Variants in ZFP64 observed in about 807,000 individuals in gnomAD.
The protein encoded by ZFP64 is ZFP64 zinc finger protein, also known as zinc finger protein 64.
Under a neutral mutation model 51.6 loss-of-function variants are expected in ZFP64, and 14 were observed. That is an observed-to-expected ratio of 0.27 (90% CI 0.18 to 0.42). The LOEUF is 0.42. Ranked by LOEUF, ZFP64 falls within the 10% of genes least tolerant of loss-of-function variation. ZFP64 has a pLI of 1.00. For synonymous variants in ZFP64, 375 were observed against 361.4 expected (o/e 1.04, Z -0.43); for missense variants, 754 against 906.8 (o/e 0.83, Z 2.16).
At chr20:52,086,074 CCTCTT>C (rs1315697125) in intron 8 of ZFP64, among the ~76,000 whole-genome samples, 1 of 152,232 alleles carries the variant, frequency 6.6e-6, no homozygotes, top group African/African-American at 2.4e-5. Context: ...AGGATTCACT[CCTCTT>C]CTCCACACTT....
chr20:52,151,225 C>G (rs996477781), downstream of ZFP64: 5 of 985,132 alleles, frequency 5.1e-6, no homozygotes, highest in African/African-American at 7.0e-5. Flanking sequence ...TAATGACTCA[C>G]GCCCCATCAT....
chr20:52,106,013 C>A (rs1467299711), intron 5 of ZFP64, among the ~76,000 whole-genome samples: 1 of 152,206 alleles, frequency 6.6e-6, no homozygotes, highest in African/African-American at 2.4e-5. Context: ...GGGAGAAATG[C>A]AGATTCCGAA....
chr20:52,138,761 C>T (rs1179488345), intron 5 of ZFP64, among the ~76,000 whole-genome samples: 2 of 151,834 alleles, frequency 1.3e-5, no homozygotes, highest in African/African-American at 4.8e-5. Context: ...TAGATACAAA[C>T]TAAGAAAGGA....
At chr20:52,178,059 A>G (rs1983364265) in intron 2 of ZFP64, among the ~76,000 whole-genome samples, 1 of 151,790 alleles carries the variant, frequency 6.6e-6, no homozygotes, top group Admixed American at 6.6e-5. Context: ...AAGAAAGAAA[A>G]AAGAAAAAAA....
At chr20:52,141,689 G>A (rs1351714118) in intron 5 of ZFP64, among the ~76,000 whole-genome samples, 2 of 152,102 alleles carry the variant, frequency 1.3e-5, no homozygotes, top group Non-Finnish European at 2.9e-5. Context: ...AGATAGAATC[G>A]ACTCCTGGTA....
intron 5 of ZFP64, among the ~76,000 whole-genome samples, chr20:52,102,036 T>TGTGGGGCAGAGGTTGCA (rs1333483232): frequency 7.0e-6 from 1 of 143,290 alleles, no homozygotes; most frequent in Non-Finnish European, 1.5e-5. Flanking sequence ...CGCTTGAACC[T>TGTGGGGCAGAGGTTGCA]GTGGGGCAGA....
intron 2 of ZFP64, 91 bp from the exon 3 acceptor site, chr20:52,166,116 A>G: frequency 7.4e-7 from 1 of 1,354,900 alleles, no homozygotes; most frequent in Non-Finnish European, 9.9e-7. Flanking sequence ...GAATGCATGT[A>G]CTAGTTTGCT....
chr20:52,167,240 G>T (rs1458123456), intron 2 of ZFP64, among the ~76,000 whole-genome samples: 1 of 152,026 alleles, frequency 6.6e-6, no homozygotes, highest in Non-Finnish European at 1.5e-5. Context: ...CAAGAGAATT[G>T]CTTGAACCTG....
At chr20:52,116,141 CTT>C (rs111516602) in intron 5 of ZFP64, among the ~76,000 whole-genome samples, 1 of 143,466 alleles carries the variant, frequency 7.0e-6, no homozygotes, top group Non-Finnish European at 1.5e-5. Flanking sequence ...GTCAATATTT[CTT>C]TTTTTTTTTT....
In ZFP64 at chr20:52,151,340, C is replaced by T. The variant is rs1980781443; in HGVS notation, c.*806G>A. ...TCATTTTCTGCTCATTAGCACTAAACATTTTTTTTTGGGTCAAGTATCCAT... is the reference window on the plus strand; with the variant it reads ...TCATTTTCTGCTCATTAGCACTAAATATTTTTTTTTGGGTCAAGTATCCAT... On this transcript the variant is annotated 3_prime_UTR_variant, in exon 6 of 6. Transcript: ENST00000216923. The T allele has an allele frequency of 7.1e-6, 7 of 985,230 alleles. No homozygotes were observed. Among genetic ancestry groups the T allele is most frequent in the Non-Finnish European group, 8.4e-6 (7 of 829,852 alleles). 61.0% of individuals were successfully genotyped at this position (985,230 alleles called of 1,614,324 possible).
chr20:52,091,516 T>G (rs1043765788), intron 7 of ZFP64, among the ~76,000 whole-genome samples: 1 of 152,140 alleles, frequency 6.6e-6, no homozygotes, highest in Admixed American at 6.5e-5. Context: ...CCATTAAAAA[T>G]TTCATATGGA....
rs761318542 is a variant in ZFP64, at chr20:52,152,656, G to A, written c.1536C>T (p.Val512=). ...TGTTCACTGCAGCGGCGGCAGCCTGGACGATGGTGTTCGCCTGGGGCACCT... is the reference window on the plus strand; with the variant it reads ...TGTTCACTGCAGCGGCGGCAGCCTGAACGATGGTGTTCGCCTGGGGCACCT... ...GHQVPQANTI[V]QAAAAAVNIV... The change falls in exon 6 of 6, where the codon GTC becomes GTT. Residue 512 remains valine (V), a synonymous_variant. Transcript: ENST00000216923. The A allele has an allele frequency of 7.8e-6, 12 of 1,536,888 alleles. No individual in the cohort carries two copies. The Admixed American group carries it at 1.6e-4, about 20-fold the overall frequency.
intron 5 of ZFP64, among the ~76,000 whole-genome samples, chr20:52,145,282 C>T (rs944161932): frequency 6.6e-6 from 1 of 152,162 alleles, no homozygotes; most frequent in Admixed American, 6.5e-5. Context: ...CCATACAGCA[C>T]GTGAATGTGC....
At chr20:52,165,401 T>A (rs1352345612) in intron 3 of ZFP64, 3 of 453,574 alleles carry the variant, frequency 6.6e-6, no homozygotes, top group African/African-American at 6.0e-5. Context: ...GTATATATAT[T>A]TGTATATATA....
intron 5 of ZFP64, among the ~76,000 whole-genome samples, chr20:52,111,526 T>A (rs1225601448): frequency 1.3e-5 from 2 of 152,078 alleles, no homozygotes; most frequent in Admixed American, 6.6e-5. Context: ...CCGATTTTTT[T>A]TTTTAATAGT....
intron 2 of ZFP64, among the ~76,000 whole-genome samples, chr20:52,177,615 G>A (rs1983324270): frequency 6.6e-6 from 1 of 152,192 alleles, no homozygotes; most frequent in South Asian, 2.1e-4. Context: ...GCCCACCACC[G>A]AGAACAGGAG....
At chr20:52,146,628 T>C (rs993671338), downstream of ZFP64, among the ~76,000 whole-genome samples, 1 of 151,634 alleles carries the variant, frequency 6.6e-6, no homozygotes, top group African/African-American at 2.4e-5. Context: ...TACCTAATGC[T>C]AAATGACGAG....
intron 7 of ZFP64, among the ~76,000 whole-genome samples, chr20:52,096,654 C>T (rs1438038652): frequency 1.3e-5 from 2 of 152,146 alleles, no homozygotes; most frequent in Non-Finnish European, 2.9e-5. Flanking sequence ...TTTAGGGGGC[C>T]AAGGCAGGTG....
At chr20:52,163,112 G>A (rs541435920) in intron 4 of ZFP64, among the ~76,000 whole-genome samples, 2 of 152,284 alleles carry the variant, frequency 1.3e-5, no homozygotes, top group East Asian at 3.9e-4. Flanking sequence ...TGTAATCCCA[G>A]CACTTTGGGA....
Sources: gnomAD v4.1 joint callset for allele counts (sites outside exome capture counted in the v4.1 genomes callset) on GRCh38, gnomAD v4.1.1 for gene constraint, MANE v1.5 for transcripts, NCBI Gene and HGNC (gene_info 2026-07-23, HGNC 2026-07-21) for gene names.